BABAM2: variants seen among roughly 807,000 people sequenced by gnomAD.
The protein encoded by BABAM2 is BRISC and BRCA1 A complex member 2, also known as BRISC and BRCA1-A complex member 2.
In BABAM2, 31 loss-of-function variants were observed where a neutral mutation model predicts 54.7. The observed-to-expected ratio is 0.57, with a 90% CI of 0.43 to 0.77. The LOEUF is 0.77. Ranked by LOEUF, BABAM2 falls within the 30% of genes least tolerant of loss-of-function variation. BABAM2 has a pLI of 0.00. For synonymous variants in BABAM2, 167 were observed against 162.9 expected (o/e 1.03, Z -0.19); for missense variants, 364 against 455.8 (o/e 0.80, Z 1.83).
At chr2:27,970,625 C>T (rs1461509928) in intron 3 of BABAM2, among the ~76,000 whole-genome samples, 1 of 152,110 alleles carries the variant, frequency 6.6e-6, no homozygotes, top group Non-Finnish European at 1.5e-5. Flanking sequence ...CATGATCGTA[C>T]TCAAGAAATG....
intron 10 of BABAM2, among the ~76,000 whole-genome samples, chr2:28,264,057 T>C (rs1684769356): frequency 6.6e-6 from 1 of 152,228 alleles, no homozygotes; most frequent in Non-Finnish European, 1.5e-5. Flanking sequence ...CAATTTTTGC[T>C]CTAAACCATT....
chr2:28,181,303 G>GAGTGAA (rs1312107343), intron 7 of BABAM2, among the ~76,000 whole-genome samples: 2 of 152,130 alleles, frequency 1.3e-5, no homozygotes, highest in Non-Finnish European at 2.9e-5. Context: ...TGGCCATAAA[G>GAGTGAA]AGTGAAATTC....
chr2:28,120,897 G>T (rs1224528195), intron 6 of BABAM2, among the ~76,000 whole-genome samples: 1 of 151,942 alleles, frequency 6.6e-6, no homozygotes, highest in East Asian at 1.9e-4. Flanking sequence ...AGGAGAGAAA[G>T]AACTTTTTAA....
intron 3 of BABAM2, among the ~76,000 whole-genome samples, chr2:27,972,093 A>G (rs1671263445): frequency 6.6e-6 from 1 of 152,212 alleles, no homozygotes; most frequent in Admixed American, 6.5e-5. Context: ...TTTCTGAATT[A>G]GTCTAATTTT....
intron 6 of BABAM2, among the ~76,000 whole-genome samples, chr2:28,104,292 T>G (rs1667321425): frequency 6.6e-6 from 1 of 152,064 alleles, no homozygotes; most frequent in Non-Finnish European, 1.5e-5. Flanking sequence ...CAATCTACTC[T>G]TTTGACAAAG....
At position 28,265,164 on chromosome 2, in the gene BABAM2, C is replaced by T. The variant is rs1204587980; in HGVS notation, c.934+20302C>T. On this transcript the variant is annotated intron_variant, in intron 10 of 11. Coordinates refer to ENST00000379624, the MANE Select transcript of BABAM2 (RefSeq NM_199191.3). ...ATATAAGACACAATTAGGCCGGGCG[C>T]GGTGGCTCATGTCTGTAATCCCAGC... 3.3e-5 allele frequency among the ~76,000 whole-genome samples: 5 copies of T among 152,240 alleles called. 1 individual carries two copies. The East Asian group carries it at 5.8e-4, about 18-fold the overall frequency.
chr2:28,064,575 C>G (rs1265453512), intron 6 of BABAM2, among the ~76,000 whole-genome samples: 1 of 152,116 alleles, frequency 6.6e-6, no homozygotes, highest in African/African-American at 2.4e-5. Flanking sequence ...TTGAATGATT[C>G]CTATACTCTA....
chr2:28,314,056 G>C (rs966792750), intron 11 of BABAM2, among the ~76,000 whole-genome samples: 1 of 152,168 alleles, frequency 6.6e-6, no homozygotes, highest in African/African-American at 2.4e-5. Context: ...AGAAAAGTGA[G>C]CATTACAGGA....
chr2:28,132,445 C>G (rs1670172643), intron 7 of BABAM2, among the ~76,000 whole-genome samples: 1 of 152,078 alleles, frequency 6.6e-6, no homozygotes, highest in Admixed American at 6.6e-5. Context: ...GCCTCTTCTT[C>G]TTTCTTACGT....
intron 10 of BABAM2, among the ~76,000 whole-genome samples, chr2:28,256,255 A>G (rs575631791): frequency 3.3e-5 from 5 of 152,328 alleles, no homozygotes; most frequent in African/African-American, 1.2e-4. Flanking sequence ...TGAAATAGTG[A>G]TAAATGTAAA....
At chr2:28,094,054 G>C (rs879490375) in intron 6 of BABAM2, among the ~76,000 whole-genome samples, 3 of 152,068 alleles carry the variant, frequency 2.0e-5, no homozygotes, top group Non-Finnish European at 4.4e-5. Flanking sequence ...TTCAGTGCAG[G>C]CCTAGGTTGG....
chr2:28,219,211 C>T (rs528064585), intron 7 of BABAM2, among the ~76,000 whole-genome samples: 1 of 152,274 alleles, frequency 6.6e-6, no homozygotes, highest in African/African-American at 2.4e-5. Flanking sequence ...GAGTTCAGTC[C>T]CTTGCAGTCA....
At chr2:28,021,082 T>C (rs1200726071) in intron 4 of BABAM2, among the ~76,000 whole-genome samples, 2 of 151,990 alleles carry the variant, frequency 1.3e-5, no homozygotes, top group South Asian at 2.1e-4. Flanking sequence ...AAAAAGAACT[T>C]GACTAATTTA....
intron 4 of BABAM2, among the ~76,000 whole-genome samples, chr2:28,024,020 A>G (rs1675456943): frequency 6.6e-6 from 1 of 152,194 alleles, no homozygotes; most frequent in Non-Finnish European, 1.5e-5. Flanking sequence ...ATGACTTGGC[A>G]TTAACCACAG....
chr2:28,197,352 A>G (rs572617988), intron 7 of BABAM2, among the ~76,000 whole-genome samples: 2 of 152,220 alleles, frequency 1.3e-5, no homozygotes, highest in Non-Finnish European at 2.9e-5. Flanking sequence ...AGCTAATAGT[A>G]TTTAACTTGC....
chr2:28,264,303 T>C (rs936449596), intron 10 of BABAM2, among the ~76,000 whole-genome samples: 1 of 152,206 alleles, frequency 6.6e-6, no homozygotes, highest in African/African-American at 2.4e-5. Flanking sequence ...ATTCCTTTTC[T>C]AGAGGAACTC....
rs116488306 is a variant in BABAM2, at chr2:28,315,929, A to T, written c.1088+17438A>T. On this transcript the variant is annotated intron_variant, in intron 11 of 11. Transcript: ENST00000379624. ...AAAAACTAAGGGTCATGCTCATGGA[A>T]CACTATAAAGGAATGTTTGGCTTGG... 7.3e-3 allele frequency among the ~76,000 whole-genome samples: 1,117 copies of T among 152,256 alleles called. 10 individuals carry two copies. Among genetic ancestry groups the T allele is most frequent in the African/African-American group, 0.026 (1,060 of 41,544 alleles).
rs375593244 is a variant in BABAM2, at chr2:27,914,815, TATA to T, written c.129-15013_129-15011del. Among the ~76,000 whole-genome samples the T allele has an allele frequency of 2.7e-4, 41 of 152,282 alleles. No individual in the cohort carries two copies. In the East Asian group the frequency reaches 7.3e-3, roughly 27 times the overall value. On this transcript the variant is annotated intron_variant, in intron 2 of 11. Coordinates refer to ENST00000379624, the MANE Select transcript of BABAM2 (RefSeq NM_199191.3). ...ACAGATATATGTACACATATGCATA[TATA>T]ATATTACTCTGTACAGATATCTCTA...
intron 7 of BABAM2, among the ~76,000 whole-genome samples, chr2:28,204,440 T>C (rs1160011706): frequency 6.6e-6 from 1 of 152,142 alleles, no homozygotes; most frequent in African/African-American, 2.4e-5. Flanking sequence ...TCGGGAGAAG[T>C]ATAAGCACAG....
Sources: allele counts gnomAD v4.1 joint callset (sites outside exome capture counted in the v4.1 genomes callset), GRCh38; gene constraint gnomAD v4.1.1; transcripts MANE v1.5; gene names NCBI Gene and HGNC (gene_info 2026-07-23, HGNC 2026-07-21).